The following ARHGAP35 variants were observed in gnomAD, a reference collection of about 807,000 sequenced individuals.
ARHGAP35 encodes rho GTPase-activating protein 35.
ARHGAP35 carries 15 observed loss-of-function variants against 111.1 expected under a neutral mutation model. That is an observed-to-expected ratio of 0.13 (90% CI 0.09 to 0.21). The LOEUF (loss-of-function observed/expected upper bound fraction) is 0.21, where lower values mean the gene tolerates loss of function less well. Among genes scored for constraint, ARHGAP35 ranks in the 10% least tolerant of loss-of-function variants. ARHGAP35 has a pLI of 1.00. For missense variants in ARHGAP35, 1,262 were observed against 1,873.0 expected (o/e 0.67, Z 6.02); for synonymous variants, 643 against 710.3 (o/e 0.91, Z 1.51).
intron 3 of ARHGAP35, among the ~76,000 whole-genome samples, chr19:46,964,362 G>A (rs569427796): frequency 2.2e-4 from 33 of 151,582 alleles, no homozygotes; most frequent in African/African-American, 8.0e-4. Context: ...TGACTGCTTG[G>A]GCTCAAGTGA....
Position 46,922,233 on chromosome 19 carries a change from C to G in ARHGAP35, c.3558C>G (p.Ile1186Met), listed in dbSNP as rs145412639. 4 of 1,613,888 alleles carry G rather than the reference C, an allele frequency of 2.5e-6. No individual in the cohort carries two copies. Among genetic ancestry groups the G allele is most frequent in the Admixed American group, 1.7e-5 (1 of 60,012 alleles). ...GGAGTGATGATGAGCTGGGGCCCAT[C>G]CGGAAGAAAGAGGAGGATCAGGCAT... ...SVGSDDELGP[I>M]RKKEEDQASQ... Residue 1186 changes from isoleucine to methionine, a missense_variant, in exon 2 of 7, where the codon ATC (isoleucine) becomes ATG (methionine). By Grantham distance (10) the Ile-to-Met change is conservative (BLOSUM62 1). Around this residue, in one of 8 missense-constraint regions of ARHGAP35, gnomAD observed 579 missense variants for 716.9 expected, o/e 0.81. Coordinates refer to ENST00000672722, the MANE Select transcript of ARHGAP35 (RefSeq NM_004491.5). The surrounding 1 kb of genome is among the most constrained non-coding windows in gnomAD (Gnocchi z 4.0).
chr19:46,882,065 T>C (rs1323873244), intron 1 of ARHGAP35, among the ~76,000 whole-genome samples: 1 of 152,152 alleles, frequency 6.6e-6, no homozygotes, highest in Admixed American at 6.5e-5. Flanking sequence ...TTGCTCTGGA[T>C]TAGGTTTTGG....
At chr19:46,876,235 C>T (rs1300787552) in intron 1 of ARHGAP35, among the ~76,000 whole-genome samples, 5 of 150,994 alleles carry the variant, frequency 3.3e-5, no homozygotes, top group African/African-American at 1.2e-4. Flanking sequence ...GACAGGATCT[C>T]ACCCACGTTC....
chr19:46,956,317 CA>C (rs1014701940), intron 3 of ARHGAP35, among the ~76,000 whole-genome samples: 6 of 146,382 alleles, frequency 4.1e-5, no homozygotes, highest in Non-Finnish European at 9.0e-5. Flanking sequence ...GACCCTGTCT[CA>C]AAAAAAAAAT....
At position 47,003,787 on chromosome 19, in the gene ARHGAP35, C is replaced by A. The variant is rs1568493808; in HGVS notation, c.*3099C>A. ...AGAGGGTGACATCATAGGAGCAGCT[C>A]GCTGGCCAGAAGGGGATGGGGGCAT... is the stretch of plus-strand genomic sequence containing the variant. On this transcript the variant is annotated 3_prime_UTR_variant, in exon 7 of 7. Coordinates refer to ENST00000672722, the MANE Select transcript of ARHGAP35 (RefSeq NM_004491.5). The A allele has an allele frequency of 6.6e-6, 1 of 152,160 alleles. No homozygotes were observed. Among genetic ancestry groups the A allele is most frequent in the African/African-American group, 2.4e-5 (1 of 41,408 alleles). 9.4% of individuals were successfully genotyped at this position (152,160 alleles called of 1,614,324 possible).
intron 1 of ARHGAP35, among the ~76,000 whole-genome samples, chr19:46,875,243 G>A (rs2055911942): frequency 6.6e-6 from 1 of 152,114 alleles, no homozygotes; most frequent in Admixed American, 6.5e-5. Context: ...TGTTGTCGGG[G>A]AGAGTAACAG....
chr19:46,960,810 C>G (rs913612259), intron 3 of ARHGAP35, among the ~76,000 whole-genome samples: 21 of 151,798 alleles, frequency 1.4e-4, no homozygotes, highest in Admixed American at 9.8e-4. Flanking sequence ...TTTTTCCCAC[C>G]TAAAAATGTA....
intron 1 of ARHGAP35, among the ~76,000 whole-genome samples, chr19:46,867,326 T>G (rs1650492101): frequency 6.6e-6 from 1 of 152,228 alleles, no homozygotes; most frequent in Admixed American, 6.5e-5. Context: ...CTGCCTCTTT[T>G]GCTCTCCTGA....
intron 2 of ARHGAP35, among the ~76,000 whole-genome samples, chr19:46,924,633 G>A (rs1225667991): frequency 6.6e-6 from 1 of 152,148 alleles, no homozygotes; most frequent in Non-Finnish European, 1.5e-5. Context: ...GCCAGAAAAC[G>A]GCCTGACTTG....
intron 1 of ARHGAP35, among the ~76,000 whole-genome samples, chr19:46,862,951 C>A (rs566720952): frequency 6.6e-6 from 1 of 152,092 alleles, no homozygotes; most frequent in Non-Finnish European, 1.5e-5. Flanking sequence ...TATTCCCCCC[C>A]ACCTTCCTCT....
At chr19:46,884,437 A>C (rs1159683705) in intron 1 of ARHGAP35, among the ~76,000 whole-genome samples, 2 of 151,994 alleles carry the variant, frequency 1.3e-5, no homozygotes, top group Non-Finnish European at 2.9e-5. Flanking sequence ...GCCACAGGCC[A>C]GCTGTTTAAC....
chr19:46,898,945 A>C (rs1414965893), intron 1 of ARHGAP35, among the ~76,000 whole-genome samples: 1 of 152,220 alleles, frequency 6.6e-6, no homozygotes, highest in Non-Finnish European at 1.5e-5. Context: ...CTGCTCCCCA[A>C]GACAGAGCAG....
intron 1 of ARHGAP35, among the ~76,000 whole-genome samples, chr19:46,885,032 T>C (rs1446221313): frequency 1.3e-5 from 2 of 152,160 alleles, no homozygotes; most frequent in Non-Finnish European, 2.9e-5. Context: ...GGTCTATATC[T>C]AAATCCTAAA....
intron 3 of ARHGAP35, among the ~76,000 whole-genome samples, chr19:46,987,212 T>A (rs1438218526): frequency 1.3e-5 from 2 of 149,492 alleles, no homozygotes; most frequent in Admixed American, 6.7e-5. Flanking sequence ...TTTTTTTCTT[T>A]TTTTTCTTTT....
intron 1 of ARHGAP35, among the ~76,000 whole-genome samples, chr19:46,878,192 T>G (rs1253508395): frequency 6.6e-6 from 1 of 151,948 alleles, no homozygotes; most frequent in Non-Finnish European, 1.5e-5. Flanking sequence ...GGCTAAATGT[T>G]TTGTATTTTT....
At chr19:46,916,746 ATGT>A in intron 1 of ARHGAP35, among the ~76,000 whole-genome samples, 2 of 151,374 alleles carry the variant, frequency 1.3e-5, no homozygotes, top group Admixed American at 1.3e-4. Flanking sequence ...TTTCAGATTC[ATGT>A]GTTGTTAACA....
chr19:46,884,132 TC>T (rs1254495611), intron 1 of ARHGAP35, among the ~76,000 whole-genome samples: 1 of 152,018 alleles, frequency 6.6e-6, no homozygotes, highest in African/African-American at 2.4e-5. Context: ...GAAAAATTAT[TC>T]CCACCATTAT....
intron 3 of ARHGAP35, among the ~76,000 whole-genome samples, chr19:46,942,534 GGCTGAGGT>G (rs763546127): frequency 6.6e-6 from 1 of 152,146 alleles, no homozygotes; most frequent in Non-Finnish European, 1.5e-5. Flanking sequence ...CTATTCGGGA[GGCTGAGGT>G]GGGAGAATTA....
intron 1 of ARHGAP35, among the ~76,000 whole-genome samples, chr19:46,873,190 T>C (rs1406035744): frequency 4.6e-5 from 7 of 152,138 alleles, no homozygotes; most frequent in Admixed American, 4.6e-4. Context: ...GAAAGGACTT[T>C]ACACTTTCCA....
Sources: gnomAD v4.1 joint callset for allele counts (sites outside exome capture counted in the v4.1 genomes callset) on GRCh38, gnomAD v4.1.1 for gene constraint, gnomAD v4.1.1 regional missense constraint, Gnocchi (gnomAD v3.1) non-coding constraint, MANE v1.5 for transcripts, NCBI Gene and HGNC (gene_info 2026-07-23, HGNC 2026-07-21) for gene names.